ACO1: variants seen among roughly 807,000 people sequenced by gnomAD.
The protein encoded by ACO1 is cytoplasmic aconitate hydratase.
A neutral mutation model predicts 105.1 loss-of-function variants in ACO1; 78 were observed. The observed-to-expected ratio is 0.74, with a 90% CI of 0.62 to 0.90. The LOEUF is 0.90. ACO1 is among the 40% of genes least tolerant of loss of function. The pLI is 0.00. For missense variants in ACO1, 965 were observed against 1,111.1 expected, an observed-to-expected ratio of 0.87 and a Z score of 1.87; for synonymous variants, 364 against 397.4, an observed-to-expected ratio of 0.92 and a Z score of 1.00.
At chr9:32,434,474 T>G in intron 16 of ACO1, 85 bp from the exon 17 acceptor site, 1 of 1,524,752 alleles carries the variant, frequency 6.6e-7, no homozygotes, top group South Asian at 1.2e-5. Context: ...CTGATTCAGG[T>G]CCATGGGCCA....
intron 12 of ACO1, among the ~76,000 whole-genome samples, chr9:32,428,034 G>A (rs1057409283): frequency 6.6e-5 from 10 of 151,888 alleles, no homozygotes; most frequent in African/African-American, 2.4e-4. Flanking sequence ...CAGTGCTTTG[G>A]GAGGCCAGGG....
Position 32,397,448 on chromosome 9 carries a change from A to C in ACO1, c.-22-8037A>C, listed in dbSNP as rs571460006. The stretch of plus-strand genomic sequence containing the variant: ...TCCCCATCAAATAAAACAAAGAATT[A>C]ATGTTTCTAGCTCTCTTATGAAAGA... On this transcript the variant is annotated intron_variant, in intron 1 of 20. Transcript: ENST00000309951. Among the ~76,000 whole-genome samples the C allele has an allele frequency of 2.6e-5, 4 of 152,340 alleles. No homozygotes were observed. The East Asian group carries it at 7.7e-4, about 29-fold the overall frequency.
chr9:32,422,840 A>G (rs1275164978), intron 8 of ACO1, among the ~76,000 whole-genome samples: 10 of 152,210 alleles, frequency 6.6e-5, no homozygotes, highest in Non-Finnish European at 1.3e-4. Context: ...GATTGAGGTA[A>G]TACATTTAAA....
chr9:32,410,156 T>C (rs1363053593), intron 4 of ACO1, among the ~76,000 whole-genome samples: 1 of 152,206 alleles, frequency 6.6e-6, no homozygotes, highest in Non-Finnish European at 1.5e-5. Context: ...GGCATCAGGA[T>C]ATTAAACATT....
chr9:32,433,801 A>G lies in ACO1; in HGVS notation c.1925A>G (p.Tyr642Cys), dbSNP rs777577329. 195 of 1,612,022 alleles carry G rather than the reference A, an allele frequency of 1.2e-4. No individual in the cohort carries two copies. The highest frequency in any genetic ancestry group is 1.6e-4 in the Non-Finnish European group (192 of 1,179,548). Residue 642 changes from tyrosine to cysteine, a missense_variant, in exon 16 of 21, where the codon TAT (tyrosine) becomes TGT (cysteine). Tyr to Cys is a radical substitution (Grantham distance 194). Transcript: ENST00000309951. ...TTTTTCTGGAATTCCAAATCTACGT[A>G]TATCAAATCACCACCATTCTTTGAA... is the stretch of plus-strand genomic sequence containing the variant. ...KLFFWNSKST[Y>C]IKSPPFFENL...
chr9:32,386,551 C>A (rs1821160070), intron 1 of ACO1: 1 of 152,154 alleles, frequency 6.6e-6, no homozygotes, highest in Non-Finnish European at 1.5e-5. Flanking sequence ...TAACTCCATC[C>A]TCCCTTTTGT....
At chr9:32,395,334 G>C (rs999176558) in intron 1 of ACO1, among the ~76,000 whole-genome samples, 1 of 152,166 alleles carries the variant, frequency 6.6e-6, no homozygotes, top group Non-Finnish European at 1.5e-5. Flanking sequence ...AAATTAGCCA[G>C]GCGTGGTGGT....
intron 4 of ACO1, among the ~76,000 whole-genome samples, chr9:32,414,529 C>G (rs1821808449): frequency 6.6e-6 from 1 of 152,200 alleles, no homozygotes; most frequent in Non-Finnish European, 1.5e-5. Context: ...ATGAAACAGT[C>G]TAAGCATTTC....
intron 1 of ACO1, among the ~76,000 whole-genome samples, chr9:32,387,230 C>A (rs1435835307): frequency 6.6e-6 from 1 of 152,204 alleles, no homozygotes; most frequent in South Asian, 2.1e-4. Context: ...AAGACACTTT[C>A]TCTGGGTCTC....
rs1029637272 is a variant in ACO1, at chr9:32,440,517, T to C, written c.2300T>C (p.Ile767Thr). ...TACCAGCAGGCAGGCCTTCCCCTGA[T>C]CGTTCTGGCTGGCAAAGAGTACGGT... Reference protein sequence around the residue: ...ERYQQAGLPLIVLAGKEYGAG... With the variant: ...ERYQQAGLPLTVLAGKEYGAG... Residue 767 changes from isoleucine (I) to threonine (T), a missense_variant, in exon 19 of 21, where the codon ATC becomes ACC. By Grantham distance (89) the Ile-to-Thr change is moderately conservative (BLOSUM62 -1). Coordinates refer to ENST00000309951, the MANE Select transcript of ACO1 (RefSeq NM_002197.3). The C allele has an allele frequency of 6.2e-7, 1 of 1,614,046 alleles. No individual in the cohort carries two copies. The highest frequency in any genetic ancestry group is 8.5e-7 in the Non-Finnish European group (1 of 1,179,972).
chr9:32,409,917 G>C (rs1821699905), intron 4 of ACO1, among the ~76,000 whole-genome samples: 1 of 152,124 alleles, frequency 6.6e-6, no homozygotes, highest in South Asian at 2.1e-4. Context: ...ACTTAGGCCT[G>C]ACCTCTTAAC....
intron 1 of ACO1, among the ~76,000 whole-genome samples, chr9:32,388,871 G>A (rs1015888445): frequency 4.0e-5 from 6 of 151,834 alleles, no homozygotes; most frequent in East Asian, 1.9e-4. Context: ...GTATACTTTC[G>A]GAAGGAAAAT....
intron 4 of ACO1, among the ~76,000 whole-genome samples, chr9:32,409,145 A>G (rs557166934): frequency 1.3e-5 from 2 of 152,308 alleles, no homozygotes; most frequent in South Asian, 4.1e-4. Context: ...GTTCCTGCCA[A>G]ATCTTACCTG....
Position 32,429,494 on chromosome 9 carries a change from C to T in ACO1, c.1560C>T (p.Ala520=), listed in dbSNP as rs767801838. The T allele has an allele frequency of 6.2e-7, 1 of 1,613,872 alleles. No homozygotes were observed. The highest frequency in any genetic ancestry group is 1.3e-5 in the African/African-American group (1 of 74,916). ...CTTTACCTGAACCTGTGGTAGAAGC[C>T]ATCACACAGGTAATTGCAGAGGTCC... ...SGPLPEPVVE[A]ITQGDLVAVG... The change falls in exon 13 of 21, where the codon GCC becomes GCT. Residue 520 remains alanine, a synonymous_variant. Transcript: ENST00000309951.
At chr9:32,399,905 C>T (rs1246500747) in intron 1 of ACO1, among the ~76,000 whole-genome samples, 1 of 148,828 alleles carries the variant, frequency 6.7e-6, no homozygotes, top group Admixed American at 6.7e-5. Flanking sequence ...TCTTTTTGCT[C>T]ACCTGCATTT....
At chr9:32,391,032 T>C (rs1388049478) in intron 1 of ACO1, among the ~76,000 whole-genome samples, 1 of 152,200 alleles carries the variant, frequency 6.6e-6, no homozygotes, top group African/African-American at 2.4e-5. Context: ...AAATCTTCAG[T>C]AAAAGAAACA....
At position 32,451,988 on chromosome 9, in the gene ACO1, C is replaced by G. The variant is rs562875238; in HGVS notation, c.*1877C>G. 4.0e-5 allele frequency: 6 copies of G among 151,604 alleles called. No individual in the cohort carries two copies. The highest frequency in any genetic ancestry group is 8.8e-5 in the Non-Finnish European group (6 of 67,976). 9.4% of individuals were successfully genotyped at this position (151,604 alleles called of 1,614,324 possible). On this transcript the variant is annotated 3_prime_UTR_variant, in exon 21 of 21. Transcript: ENST00000309951. The stretch of plus-strand genomic sequence containing the variant: ...CTGAGGCAGGAGAATTGCTTAAACC[C>G]GGGATGCAGAGGCTGCAGTGAGCCG...
chr9:32,411,208 A>C (rs1821731586), intron 4 of ACO1, among the ~76,000 whole-genome samples: 1 of 152,218 alleles, frequency 6.6e-6, no homozygotes, highest in Non-Finnish European at 1.5e-5. Flanking sequence ...GGGTTTTGAT[A>C]CAGGGAGGGC....
At chr9:32,413,135 T>C (rs1290248918) in intron 4 of ACO1, among the ~76,000 whole-genome samples, 2 of 151,882 alleles carry the variant, frequency 1.3e-5, no homozygotes, top group East Asian at 3.9e-4. Context: ...AATCCAAGGG[T>C]GAACTTTGAC....
Sources: allele counts gnomAD v4.1 joint callset (sites outside exome capture counted in the v4.1 genomes callset), GRCh38; gene constraint gnomAD v4.1.1; transcripts MANE v1.5; gene names NCBI Gene and HGNC (gene_info 2026-07-23, HGNC 2026-07-21).